SLCO3A1: variants seen among roughly 807,000 people sequenced by gnomAD.
The protein encoded by SLCO3A1 is solute carrier organic anion transporter family member 3A1.
A neutral mutation model predicts 63.1 loss-of-function variants in SLCO3A1; 27 were observed. That is an observed-to-expected ratio of 0.43 (90% CI 0.32 to 0.59). The LOEUF is 0.59. Ranked by LOEUF, SLCO3A1 falls within the 20% of genes least tolerant of loss-of-function variation. The pLI is 0.09. For synonymous variants in SLCO3A1, 473 were observed against 409.9 expected, an observed-to-expected ratio of 1.15 and a Z score of -1.86; for missense variants, 773 against 945.8, an observed-to-expected ratio of 0.82 and a Z score of 2.40.
At chr15:92,030,822 A>G (rs549861508) in intron 2 of SLCO3A1, among the ~76,000 whole-genome samples, 1 of 152,206 alleles carries the variant, frequency 6.6e-6, no homozygotes, top group South Asian at 2.1e-4. Context: ...TGAGTACACT[A>G]CTGAACTACG....
At position 91,994,078 on chromosome 15, in the gene SLCO3A1, C is replaced by G. The variant is rs180723014; in HGVS notation, c.646+77620C>G. ...CAGCTAGAACCACTTAAATTCCTGA[C>G]CTATAAAATTTGCGTGACATGATAA... On this transcript the variant is annotated intron_variant, in intron 2 of 9. Coordinates refer to ENST00000318445, the MANE Select transcript of SLCO3A1 (RefSeq NM_013272.4). 1.6e-3 allele frequency among the ~76,000 whole-genome samples: 239 copies of G among 152,320 alleles called. 3 individuals are homozygous for G. The highest frequency in any genetic ancestry group is 8.4e-3 in the Admixed American group (128 of 15,308).
intron 1 of SLCO3A1, among the ~76,000 whole-genome samples, chr15:91,881,674 G>A (rs1037886471): frequency 6.6e-6 from 1 of 152,132 alleles, no homozygotes; most frequent in African/African-American, 2.4e-5. Flanking sequence ...CTGTCAGTCA[G>A]CGAGCCAGTC....
intron 2 of SLCO3A1, among the ~76,000 whole-genome samples, chr15:92,003,215 G>A (rs921100479): frequency 1.3e-5 from 2 of 152,180 alleles, no homozygotes; most frequent in African/African-American, 2.4e-5. Context: ...GCCTGGAACC[G>A]TGCTGAGCAT....
At chr15:92,113,314 A>T (rs2047752238) in intron 4 of SLCO3A1, among the ~76,000 whole-genome samples, 1 of 151,894 alleles carries the variant, frequency 6.6e-6, no homozygotes, top group Non-Finnish European at 1.5e-5. Context: ...ATGGGCAGCC[A>T]CATGACTTTT....
chr15:91,972,015 T>C (rs1398019703), intron 2 of SLCO3A1, among the ~76,000 whole-genome samples: 1 of 152,152 alleles, frequency 6.6e-6, no homozygotes, highest in Non-Finnish European at 1.5e-5. Flanking sequence ...ATGTTGGCGC[T>C]CAAAAAACTA....
At chr15:92,025,042 C>G (rs941541083) in intron 2 of SLCO3A1, among the ~76,000 whole-genome samples, 2 of 152,112 alleles carry the variant, frequency 1.3e-5, no homozygotes, top group Non-Finnish European at 2.9e-5. Context: ...TCCATCCATG[C>G]ATCTATCCAT....
At chr15:92,117,664 G>A (rs2047812293) in intron 4 of SLCO3A1, among the ~76,000 whole-genome samples, 1 of 152,176 alleles carries the variant, frequency 6.6e-6, no homozygotes, top group Admixed American at 6.5e-5. Flanking sequence ...ACTTGTTGTT[G>A]TGTGGCATGG....
chr15:92,129,697 G>A (rs1208436398), intron 7 of SLCO3A1, among the ~76,000 whole-genome samples: 1 of 152,210 alleles, frequency 6.6e-6, no homozygotes, highest in African/African-American at 2.4e-5. Flanking sequence ...ACTTAGAGTT[G>A]AGATCATTAG....
Position 91,968,331 on chromosome 15 carries a change from T to C in SLCO3A1, c.646+51873T>C, listed in dbSNP as rs1028247014. On this transcript the variant is annotated intron_variant, in intron 2 of 9. Transcript: ENST00000318445. The surrounding 1 kb of genome is among the most constrained non-coding windows in gnomAD (Gnocchi z 4.2). ...TTAGCTGGCATCATTAAAATGACTT[T>C]CTAGTCTCCTGCGAGCTTTCTCTCA... 6.6e-5 allele frequency among the ~76,000 whole-genome samples: 10 copies of C among 152,084 alleles called. No homozygotes were observed. The highest frequency in any genetic ancestry group is 3.2e-3 in the Middle Eastern group (1 of 316).
chr15:92,030,876 C>G (rs2046638517), intron 2 of SLCO3A1, among the ~76,000 whole-genome samples: 1 of 152,154 alleles, frequency 6.6e-6, no homozygotes, highest in Admixed American at 6.5e-5. Flanking sequence ...CCACCCTTGA[C>G]TCAGCAGTTG....
At chr15:91,880,170 C>CT (rs1567168784) in intron 1 of SLCO3A1, among the ~76,000 whole-genome samples, 1,704 of 125,972 alleles carry the variant, frequency 0.014, 31 homozygotes, top group African/African-American at 0.018. Flanking sequence ...TCCATCCATC[C>CT]ATCTATCTAT....
At chr15:92,157,939 G>C (rs1719127024) in intron 9 of SLCO3A1, among the ~76,000 whole-genome samples, 1 of 152,128 alleles carries the variant, frequency 6.6e-6, no homozygotes, top group African/African-American at 2.4e-5. Context: ...CCAAGTGGCG[G>C]AATTAGAATC....
At chr15:92,169,950 T>C (rs1311888508), downstream of SLCO3A1, among the ~76,000 whole-genome samples, 2 of 152,198 alleles carry the variant, frequency 1.3e-5, no homozygotes, top group Non-Finnish European at 2.9e-5. Flanking sequence ...GTGACTCAGG[T>C]CAACAATCAG....
rs1271272222 is a variant in SLCO3A1 at position 91,872,495 on chromosome 15, C to G, written c.180+18407C>G. On this transcript the variant is annotated intron_variant, in intron 1 of 9. Coordinates refer to ENST00000318445, the MANE Select transcript of SLCO3A1 (RefSeq NM_013272.4). This position sits in a 1 kb window ranked among gnomAD's most constrained non-coding sequence, Gnocchi z 4.1. ...GTTGCAGTGAGCCGAGACCATGCCA[C>G]CGCACTCCAGCCAGGGCAACAAAAT... Among the ~76,000 whole-genome samples the G allele has an allele frequency of 6.6e-6, 1 of 151,818 alleles. No individual in the cohort carries two copies. Among genetic ancestry groups the G allele is most frequent in the Admixed American group, 6.6e-5 (1 of 15,240 alleles).
At chr15:92,150,335 T>C (rs982878363) in intron 8 of SLCO3A1, among the ~76,000 whole-genome samples, 2 of 152,176 alleles carry the variant, frequency 1.3e-5, no homozygotes, top group African/African-American at 4.8e-5. Context: ...ACTCAAATGT[T>C]AATCTCCTGT....
chr15:92,012,188 C>G (rs1450248741), intron 2 of SLCO3A1, among the ~76,000 whole-genome samples: 1 of 152,192 alleles, frequency 6.6e-6, no homozygotes, highest in African/African-American at 2.4e-5. Flanking sequence ...CTTCTGCTGT[C>G]CTTGTTGCCT....
At chr15:91,966,306 A>G (rs895973139) in intron 2 of SLCO3A1, among the ~76,000 whole-genome samples, 1 of 152,198 alleles carries the variant, frequency 6.6e-6, no homozygotes, top group Non-Finnish European at 1.5e-5. Flanking sequence ...CGAGGCCAGC[A>G]CTGACACCAG....
chr15:91,959,232 A>G (rs1256003909), intron 2 of SLCO3A1, among the ~76,000 whole-genome samples: 1 of 152,108 alleles, frequency 6.6e-6, no homozygotes, highest in Admixed American at 6.6e-5. Context: ...ATGAGGACAC[A>G]AAGGCATATA....
chr15:92,096,826 C>T (rs2047544476), intron 3 of SLCO3A1, among the ~76,000 whole-genome samples: 1 of 152,070 alleles, frequency 6.6e-6, no homozygotes, highest in Non-Finnish European at 1.5e-5. Context: ...TTTATTTATA[C>T]TTTTAAAGTG....
Sources: gnomAD v4.1 joint callset for allele counts (sites outside exome capture counted in the v4.1 genomes callset) on GRCh38, gnomAD v4.1.1 for gene constraint, Gnocchi (gnomAD v3.1) non-coding constraint, MANE v1.5 for transcripts, NCBI Gene and HGNC (gene_info 2026-07-23, HGNC 2026-07-21) for gene names.